Variants in TBC1D12 observed in about 807,000 individuals in gnomAD.
The protein encoded by TBC1D12 is TBC1 domain family member 12.
In TBC1D12, 56 loss-of-function variants were observed where a neutral mutation model predicts 86.7. The observed-to-expected ratio is 0.65, with a 90% CI of 0.52 to 0.81. TBC1D12 has a LOEUF of 0.81. TBC1D12 is among the 30% of genes least tolerant of loss of function. The probability of loss-of-function intolerance (pLI) is 0.00; values close to 1 mark genes in which losing one functional copy is unlikely to be tolerated. For missense variants in TBC1D12, 1,023 were observed against 1,038.8 expected (o/e 0.98, Z 0.21); for synonymous variants, 421 against 411.7 (o/e 1.02, Z -0.27).
At chr10:94,446,653 T>C (rs539607263) in intron 2 of TBC1D12, among the ~76,000 whole-genome samples, 1 of 152,190 alleles carries the variant, frequency 6.6e-6, no homozygotes, top group Non-Finnish European at 1.5e-5. Context: ...GCCTCCTGAG[T>C]ACAGGGCACT....
In TBC1D12 at chr10:94,531,639, C is replaced by CTTATTTTATTTTATT. The variant is rs1202906270; in HGVS notation, c.2259+214_2259+228dup. Among the ~76,000 whole-genome samples the CTTATTTTATTTTATT allele has an allele frequency of 1.7e-4, 21 of 121,262 alleles. 1 individual carries two copies. The highest frequency in any genetic ancestry group is 3.0e-4 in the African/African-American group (10 of 33,188). The allele number at this position is 121,262 out of a possible 152,430, so 79.6% of individuals were successfully genotyped here. ...ACTTTGCAGCTATCCAAACATAGGG[C>CTTATTTTATTTTATT]TTATTTTATTTTATTTTATTTTATT... On this transcript the variant is annotated intron_variant, in intron 12 of 12. Coordinates refer to ENST00000225235, the MANE Select transcript of TBC1D12 (RefSeq NM_015188.2).
At chr10:94,488,557 A>AT (rs1343525113) in intron 3 of TBC1D12, among the ~76,000 whole-genome samples, 1 of 148,114 alleles carries the variant, frequency 6.8e-6, no homozygotes, top group African/African-American at 2.5e-5. Flanking sequence ...CACCCGGCTA[A>AT]TTTTTTGTAT....
chr10:94,465,560 C>T (rs187365971), intron 2 of TBC1D12, among the ~76,000 whole-genome samples: 3,374 of 151,704 alleles, frequency 0.022, 123 homozygotes, highest in African/African-American at 0.074. Flanking sequence ...GCAGGAGAAT[C>T]GCTTGAACCT....
intron 1 of TBC1D12, among the ~76,000 whole-genome samples, chr10:94,432,264 G>T (rs2055227812): frequency 6.6e-6 from 1 of 152,052 alleles, no homozygotes; most frequent in African/African-American, 2.4e-5. Context: ...CGAGACAAGG[G>T]ATGGGGCGTC....
chr10:94,497,659 A>G (rs567048948), intron 5 of TBC1D12, among the ~76,000 whole-genome samples: 17 of 148,370 alleles, frequency 1.1e-4, no homozygotes, highest in Non-Finnish European at 1.5e-4. Context: ...AGCTGGGACT[A>G]CAGGCGCCTG....
At position 94,529,241 on chromosome 10, in the gene TBC1D12, C is replaced by T. The variant is rs553018328; in HGVS notation, c.2001-1961C>T. On this transcript the variant is annotated intron_variant, in intron 11 of 12. Coordinates refer to ENST00000225235, the MANE Select transcript of TBC1D12 (RefSeq NM_015188.2). ...CAGGCTGGCCTTGAACTCCTGGATG[C>T]AAGCGATCCTCCCACATTGGCCTCC... is the stretch of plus-strand genomic sequence containing the variant. Among the ~76,000 whole-genome samples, 360 of 152,294 alleles carry T rather than the reference C, an allele frequency of 2.4e-3. 2 individuals are homozygous for T. Among genetic ancestry groups the T allele is most frequent in the Admixed American group, 4.4e-3 (68 of 15,296 alleles).
intron 1 of TBC1D12, among the ~76,000 whole-genome samples, chr10:94,419,284 T>C (rs1253537598): frequency 1.3e-5 from 2 of 152,254 alleles, no homozygotes; most frequent in Non-Finnish European, 2.9e-5. Flanking sequence ...TATATTAAAG[T>C]ATATTAAGTA....
At position 94,493,397 on chromosome 10, in the gene TBC1D12, T is replaced by C. The variant is rs936014365; in HGVS notation, c.1244T>C (p.Leu415Ser). ...CCTGCCAAATCTGTGGAAGAAGCTT[T>C]ACGTCACCGACAAGAATACGATGAG... ...NLPAKSVEEA[L>S]RHRQEYDEMV... The change falls in exon 4 of 13, where the codon TTA becomes TCA. Residue 415 changes from leucine to serine, a missense_variant. Physicochemically the swap from Leu to Ser is moderately radical, Grantham distance 145. Transcript: ENST00000225235. 10 of 1,613,008 alleles carry C rather than the reference T, an allele frequency of 6.2e-6. No individual in the cohort carries two copies. In the African/African-American group the frequency reaches 6.7e-5, roughly 11 times the overall value.
chr10:94,441,221 G>A (rs1418981645), intron 1 of TBC1D12, among the ~76,000 whole-genome samples: 2 of 150,558 alleles, frequency 1.3e-5, no homozygotes, highest in African/African-American at 2.4e-5. Context: ...TGACTCTTTT[G>A]TAGTAAGCTT....
intron 2 of TBC1D12, among the ~76,000 whole-genome samples, chr10:94,462,550 AT>A (rs2134124198): frequency 6.6e-6 from 1 of 152,252 alleles, no homozygotes; most frequent in Admixed American, 6.5e-5. Flanking sequence ...TGTTGAGCAT[AT>A]TTTTAGTTAT....
intron 1 of TBC1D12, 52 bp downstream of exon 1, chr10:94,403,636 G>A (rs1275143290): frequency 7.8e-6 from 11 of 1,407,204 alleles, no homozygotes; most frequent in East Asian, 2.9e-5. Flanking sequence ...CGGGGCCGGA[G>A]CCGGGGTCTT....
intron 2 of TBC1D12, among the ~76,000 whole-genome samples, chr10:94,448,620 G>A (rs1250350601): frequency 6.6e-6 from 1 of 152,074 alleles, no homozygotes; most frequent in Non-Finnish European, 1.5e-5. Flanking sequence ...GAGACTACAG[G>A]TGCATGCCAC....
chr10:94,474,906 A>AAAATTTTTACAAAATTC (rs2055965904), intron 3 of TBC1D12, 123 bp downstream of exon 3: 5 of 895,448 alleles, frequency 5.6e-6, no homozygotes, highest in Non-Finnish European at 8.4e-6. Flanking sequence ...ACAAAATTTA[A>AAAATTTTTACAAAATTC]TCCCTGTTGT....
chr10:94,410,281 A>G (rs1166887200), intron 1 of TBC1D12, among the ~76,000 whole-genome samples: 2 of 152,206 alleles, frequency 1.3e-5, no homozygotes, highest in Non-Finnish European at 1.5e-5. Context: ...ACTGCACACT[A>G]TTTAGGGGCA....
chr10:94,475,436 A>T (rs904951148), intron 3 of TBC1D12, among the ~76,000 whole-genome samples: 2 of 151,852 alleles, frequency 1.3e-5, no homozygotes, highest in Non-Finnish European at 1.5e-5. Flanking sequence ...TTTATTTTTA[A>T]TTTTTTATTT....
intron 11 of TBC1D12, among the ~76,000 whole-genome samples, chr10:94,523,571 A>G (rs1008195480): frequency 6.6e-6 from 1 of 152,142 alleles, no homozygotes; most frequent in Middle Eastern, 3.2e-3. Flanking sequence ...TAAAAATGTA[A>G]TAAATGTAAA....
chr10:94,442,885 G>GT (rs1241763208), intron 2 of TBC1D12, among the ~76,000 whole-genome samples: 1 of 152,108 alleles, frequency 6.6e-6, no homozygotes, highest in Non-Finnish European at 1.5e-5. Context: ...AGAAAAACTG[G>GT]TTTTCCAAGT....
intron 1 of TBC1D12, among the ~76,000 whole-genome samples, chr10:94,429,413 A>G (rs1402340078): frequency 1.3e-5 from 2 of 152,108 alleles, no homozygotes; most frequent in Non-Finnish European, 2.9e-5. Flanking sequence ...TTTTTTGCAT[A>G]TAGTCAGCTG....
chr10:94,533,866 G>A lies in TBC1D12; in HGVS notation c.*770G>A, dbSNP rs1842489661. On this transcript the variant is annotated 3_prime_UTR_variant, in exon 13 of 13. Coordinates refer to ENST00000225235, the MANE Select transcript of TBC1D12 (RefSeq NM_015188.2). ...TAGAAGGAAAGTGCTTTGCACTTCA[G>A]TGGATTGAAGACTTGACTTTGAGAG... 6.6e-6 allele frequency: 1 copy of A among 152,174 alleles called. No homozygotes were observed. Among genetic ancestry groups the A allele is most frequent in the African/African-American group, 2.4e-5 (1 of 41,446 alleles). 9.4% of individuals were successfully genotyped at this position (152,174 alleles called of 1,614,324 possible).
Sources: allele counts gnomAD v4.1 joint callset (sites outside exome capture counted in the v4.1 genomes callset), GRCh38; gene constraint gnomAD v4.1.1; transcripts MANE v1.5; gene names NCBI Gene and HGNC (gene_info 2026-07-23, HGNC 2026-07-21).